Variants in FHIT observed in about 807,000 individuals in gnomAD.
The protein encoded by FHIT is bis(5'-adenosyl)-triphosphatase.
In FHIT, 19 loss-of-function variants were observed where a neutral mutation model predicts 17.9. That is an observed-to-expected ratio of 1.06 (90% CI 0.74 to 1.56). The LOEUF (loss-of-function observed/expected upper bound fraction) is 1.56, where lower values mean the gene tolerates loss of function less well. Ranked by LOEUF, FHIT falls within the 40% of genes most tolerant of loss-of-function variation. The probability of loss-of-function intolerance (pLI) is 0.00; values close to 1 mark genes in which losing one functional copy is unlikely to be tolerated. For missense variants in FHIT, 248 were observed against 189.2 expected (o/e 1.31, Z -1.82); for synonymous variants, 81 against 69.7 (o/e 1.16, Z -0.81).
chr3:60,030,058 T>A (rs79676706), intron 5 of FHIT, among the ~76,000 whole-genome samples: 2 of 152,058 alleles, frequency 1.3e-5, no homozygotes, highest in African/African-American at 4.8e-5. Flanking sequence ...AGGGTTTTGT[T>A]TGTGACTCCA....
intron 5 of FHIT, among the ~76,000 whole-genome samples, chr3:60,153,622 A>C (rs1320326337): frequency 6.6e-6 from 1 of 152,190 alleles, no homozygotes; most frequent in African/African-American, 2.4e-5. Context: ...TCTTAGGGAC[A>C]CCAATCCAGA....
chr3:60,173,977 G>A (rs983231058), intron 5 of FHIT, among the ~76,000 whole-genome samples: 2 of 139,168 alleles, frequency 1.4e-5, no homozygotes, highest in East Asian at 2.2e-4. Context: ...GCAGTGGCGC[G>A]ATCTTGGTTC....
intron 2 of FHIT, among the ~76,000 whole-genome samples, chr3:61,179,008 C>CTTTTTTTTT (rs778191387): frequency 6.9e-4 from 88 of 127,628 alleles, no homozygotes; most frequent in East Asian, 3.3e-3. Context: ...TTTTCTTTTT[C>CTTTTTTTTT]TTTTTTTTTT....
At chr3:60,278,941 A>T (rs1707299183) in intron 5 of FHIT, among the ~76,000 whole-genome samples, 1 of 152,152 alleles carries the variant, frequency 6.6e-6, no homozygotes, top group South Asian at 2.1e-4. Context: ...AAGAAGAAAG[A>T]TCTAAAATCA....
intron 5 of FHIT, among the ~76,000 whole-genome samples, chr3:60,224,764 C>G (rs1028831500): frequency 6.6e-6 from 1 of 151,112 alleles, no homozygotes; most frequent in African/African-American, 2.4e-5. Context: ...CTTGCTCTGT[C>G]ACCCAAGCTG....
intron 5 of FHIT, among the ~76,000 whole-genome samples, chr3:60,197,954 A>G (rs1413855380): frequency 6.6e-6 from 1 of 152,182 alleles, no homozygotes; most frequent in Non-Finnish European, 1.5e-5. Flanking sequence ...GGCATTCCCC[A>G]TTGATGAGCT....
chr3:60,756,556 A>C (rs569695166), intron 4 of FHIT, among the ~76,000 whole-genome samples: 1 of 152,322 alleles, frequency 6.6e-6, no homozygotes, highest in South Asian at 2.1e-4. Flanking sequence ...CATGAGATTC[A>C]AAGACTAATA....
intron 5 of FHIT, among the ~76,000 whole-genome samples, chr3:60,184,389 A>G (rs189537304): frequency 6.6e-6 from 1 of 152,268 alleles, no homozygotes; most frequent in African/African-American, 2.4e-5. Flanking sequence ...ACAGTTTATG[A>G]GACCTTTACT....
intron 5 of FHIT, among the ~76,000 whole-genome samples, chr3:60,117,990 C>T (rs1326064620): frequency 1.3e-5 from 2 of 152,144 alleles, no homozygotes; most frequent in Non-Finnish European, 2.9e-5. Flanking sequence ...GGATTCTGAC[C>T]TCCATTCTTG....
chr3:60,810,585 A>G (rs1202273505), intron 4 of FHIT, among the ~76,000 whole-genome samples: 1 of 152,208 alleles, frequency 6.6e-6, no homozygotes, highest in Non-Finnish European at 1.5e-5. Flanking sequence ...TTCATTAAAT[A>G]AGCTTTACAG....
At chr3:60,608,060 C>G (rs1214146982) in intron 4 of FHIT, among the ~76,000 whole-genome samples, 2 of 152,200 alleles carry the variant, frequency 1.3e-5, no homozygotes, top group Non-Finnish European at 2.9e-5. Context: ...AGCAGCAGCT[C>G]CATCTGGAGC....
At chr3:61,157,944 G>T (rs759878575) in intron 2 of FHIT, among the ~76,000 whole-genome samples, 1 of 151,854 alleles carries the variant, frequency 6.6e-6, no homozygotes, top group African/African-American at 2.4e-5. Context: ...GTAAGTTATT[G>T]GTAATATTTA....
chr3:60,374,632 A>G (rs550645598), intron 5 of FHIT, among the ~76,000 whole-genome samples: 2 of 150,988 alleles, frequency 1.3e-5, no homozygotes, highest in African/African-American at 4.9e-5. Context: ...TAGGCAAAGC[A>G]TTGACATTTA....
intron 5 of FHIT, among the ~76,000 whole-genome samples, chr3:60,112,583 G>A (rs1178046496): frequency 2.0e-5 from 3 of 152,148 alleles, no homozygotes; most frequent in Admixed American, 6.5e-5. Context: ...CCTCCACATG[G>A]CTTTCACCTT....
At chr3:59,924,395 A>C (rs550940429) in intron 7 of FHIT, among the ~76,000 whole-genome samples, 1 of 152,282 alleles carries the variant, frequency 6.6e-6, no homozygotes, top group South Asian at 2.1e-4. Flanking sequence ...TCTTCCAGTC[A>C]AACTTCCTAA....
intron 5 of FHIT, among the ~76,000 whole-genome samples, chr3:60,100,081 G>C (rs542667530): frequency 6.6e-6 from 1 of 152,180 alleles, no homozygotes; most frequent in East Asian, 1.9e-4. Context: ...CTGACAATCA[G>C]GTCAACTGGA....
chr3:61,061,667 A>G (rs2034434226), intron 2 of FHIT, among the ~76,000 whole-genome samples: 1 of 152,154 alleles, frequency 6.6e-6, no homozygotes, highest in African/African-American at 2.4e-5. Flanking sequence ...TCATGGCTCT[A>G]GAGCTTGTGT....
At chr3:59,757,745 AC>A (rs1210761449) in intron 8 of FHIT, among the ~76,000 whole-genome samples, 2 of 152,128 alleles carry the variant, frequency 1.3e-5, no homozygotes, top group Admixed American at 1.3e-4. Context: ...TTATAAAACA[AC>A]ATACAGAAGC....
chr3:60,861,802 T>C (rs573703290), intron 3 of FHIT, among the ~76,000 whole-genome samples: 6 of 152,012 alleles, frequency 3.9e-5, no homozygotes, highest in African/African-American at 1.2e-4. Context: ...ATAAATATAA[T>C]CCTTTTTTAA....
Sources: gnomAD v4.1 joint callset for allele counts (sites outside exome capture counted in the v4.1 genomes callset) on GRCh38, gnomAD v4.1.1 for gene constraint, MANE v1.5 for transcripts, NCBI Gene and HGNC (gene_info 2026-07-23, HGNC 2026-07-21) for gene names.